NAALADL2: variants seen among roughly 807,000 people sequenced by gnomAD.
NAALADL2 encodes N-acetylated alpha-linked acidic dipeptidase like 2, also known as inactive N-acetylated-alpha-linked acidic dipeptidase-like protein 2.
A neutral mutation model predicts 87.2 loss-of-function variants in NAALADL2; 76 were observed. The observed-to-expected ratio is 0.87, with a 90% CI of 0.72 to 1.05. NAALADL2 has a LOEUF of 1.05. Ranked by LOEUF, NAALADL2 falls within the 50% of genes least tolerant of loss-of-function variation. The probability of loss-of-function intolerance (pLI) is 0.00; values close to 1 mark genes in which losing one functional copy is unlikely to be tolerated. For missense variants in NAALADL2, 1,089 were observed against 945.8 expected, an observed-to-expected ratio of 1.15 and a Z score of -1.99; for synonymous variants, 354 against 331.0, an observed-to-expected ratio of 1.07 and a Z score of -0.75.
At chr3:174,861,767 A>G (rs980104287) in intron 1 of NAALADL2, among the ~76,000 whole-genome samples, 2 of 152,032 alleles carry the variant, frequency 1.3e-5, no homozygotes, top group Non-Finnish European at 2.9e-5. Flanking sequence ...ATTATCAATG[A>G]TTATTCATCA....
chr3:174,937,785 T>C (rs957047531), intron 1 of NAALADL2, among the ~76,000 whole-genome samples: 2 of 152,076 alleles, frequency 1.3e-5, no homozygotes, highest in Non-Finnish European at 2.9e-5. Flanking sequence ...ATAGGCAATA[T>C]TTGTAAAATT....
intron 3 of NAALADL2, among the ~76,000 whole-genome samples, chr3:175,250,423 T>G (rs989816767): frequency 3.9e-5 from 6 of 152,110 alleles, no homozygotes; most frequent in African/African-American, 1.4e-4. Context: ...AATAAATTTG[T>G]GTTGTTTAAG....
intron 3 of NAALADL2, among the ~76,000 whole-genome samples, chr3:174,769,898 T>G (rs1714311207): frequency 6.6e-6 from 1 of 152,040 alleles, no homozygotes; most frequent in Admixed American, 6.5e-5. Context: ...TTTTGGGTTT[T>G]CAATAACCAA....
At chr3:174,814,884 T>C (rs1197319395) in intron 3 of NAALADL2, among the ~76,000 whole-genome samples, 1 of 152,188 alleles carries the variant, frequency 6.6e-6, no homozygotes, top group African/African-American at 2.4e-5. Context: ...AAGTAGTCTG[T>C]GGGTACGTTA....
intron 10 of NAALADL2, among the ~76,000 whole-genome samples, chr3:175,593,002 A>G (rs1243897158): frequency 6.6e-6 from 1 of 152,060 alleles, no homozygotes; most frequent in African/African-American, 2.4e-5. Context: ...TTTTTTAAAA[A>G]AATTAATTTT....
chr3:175,162,501 C>T (rs1004782965), intron 2 of NAALADL2, among the ~76,000 whole-genome samples: 1 of 152,042 alleles, frequency 6.6e-6, no homozygotes, highest in African/African-American at 2.4e-5. Context: ...ACCAGAAGTT[C>T]TTATTTTCTT....
At chr3:175,610,007 C>G (rs1724392922) in intron 10 of NAALADL2, among the ~76,000 whole-genome samples, 2 of 152,046 alleles carry the variant, frequency 1.3e-5, no homozygotes, top group African/African-American at 4.8e-5. Context: ...AGGAATTTAC[C>G]TAATTTATAA....
intron 10 of NAALADL2, among the ~76,000 whole-genome samples, chr3:175,594,019 AG>A (rs1157806206): frequency 1.3e-5 from 2 of 150,998 alleles, no homozygotes; most frequent in African/African-American, 4.9e-5. Flanking sequence ...TTTTATACAC[AG>A]GGGGTACATG....
intron 1 of NAALADL2, among the ~76,000 whole-genome samples, chr3:174,998,634 C>T (rs74898716): frequency 0.027 from 4,091 of 152,152 alleles, 170 homozygotes; most frequent in African/African-American, 0.093. Context: ...CAAATTTTCA[C>T]GTGAATCCTG....
chr3:175,673,748 A>C (rs1194878051), intron 11 of NAALADL2, among the ~76,000 whole-genome samples: 1 of 152,090 alleles, frequency 6.6e-6, no homozygotes, highest in African/African-American at 2.4e-5. Flanking sequence ...GATTCTCACT[A>C]TAAAAATTTC....
At chr3:175,564,430 A>T (rs2149523270) in intron 9 of NAALADL2, among the ~76,000 whole-genome samples, 1 of 152,332 alleles carries the variant, frequency 6.6e-6, no homozygotes, top group Non-Finnish European at 1.5e-5. Flanking sequence ...GAGAGAGTTA[A>T]TATGGATTTG....
At chr3:174,975,150 C>T (rs745783519) in intron 1 of NAALADL2, among the ~76,000 whole-genome samples, 14 of 152,078 alleles carry the variant, frequency 9.2e-5, no homozygotes, top group Non-Finnish European at 1.5e-4. Context: ...AGACTGTGCA[C>T]CAGCATATTG....
At chr3:174,678,910 G>A (rs990329389) in intron 2 of NAALADL2, among the ~76,000 whole-genome samples, 2 of 152,120 alleles carry the variant, frequency 1.3e-5, no homozygotes, top group African/African-American at 4.8e-5. Flanking sequence ...TACCTTAACT[G>A]CCATTTATTT....
chr3:174,713,650 TG>T (rs1445320295), intron 2 of NAALADL2, among the ~76,000 whole-genome samples: 8 of 152,188 alleles, frequency 5.3e-5, no homozygotes, highest in Non-Finnish European at 8.8e-5. Context: ...TTGATGGGGT[TG>T]TTTTTTTCTT....
At chr3:175,131,585 C>T (rs1727882794) in intron 2 of NAALADL2, among the ~76,000 whole-genome samples, 1 of 152,188 alleles carries the variant, frequency 6.6e-6, no homozygotes, top group African/African-American at 2.4e-5. Context: ...TCAATCTTTT[C>T]CCCGCCTTTC....
At chr3:174,873,929 C>G (rs1215073817) in intron 1 of NAALADL2, among the ~76,000 whole-genome samples, 1 of 151,900 alleles carries the variant, frequency 6.6e-6, no homozygotes, top group Non-Finnish European at 1.5e-5. Flanking sequence ...AAGGGTATTT[C>G]AAGAATAAGA....
intron 1 of NAALADL2, among the ~76,000 whole-genome samples, chr3:174,536,138 C>A (rs1377033424): frequency 6.6e-6 from 1 of 152,010 alleles, no homozygotes; most frequent in Non-Finnish European, 1.5e-5. Flanking sequence ...GTATGTATGT[C>A]TTGAGTTGTT....
intron 3 of NAALADL2, among the ~76,000 whole-genome samples, chr3:174,739,251 C>T (rs1227149246): frequency 6.6e-6 from 1 of 151,940 alleles, no homozygotes; most frequent in Non-Finnish European, 1.5e-5. Context: ...TACATTTTAT[C>T]AGATGGTAAT....
intron 3 of NAALADL2, among the ~76,000 whole-genome samples, chr3:174,844,365 C>T (rs1724358165): frequency 6.6e-6 from 1 of 152,052 alleles, no homozygotes; most frequent in Non-Finnish European, 1.5e-5. Context: ...CATTTTTATG[C>T]TAGTGCCATG....
Sources: allele counts gnomAD v4.1 joint callset (sites outside exome capture counted in the v4.1 genomes callset), GRCh38; gene constraint gnomAD v4.1.1; transcripts MANE v1.5; gene names NCBI Gene and HGNC (gene_info 2026-07-23, HGNC 2026-07-21).